STON1: variants seen among roughly 807,000 people sequenced by gnomAD.
STON1 encodes the protein stonin-1.
A neutral mutation model predicts 60.9 loss-of-function variants in STON1; 79 were observed. The observed-to-expected ratio is 1.30, with a 90% CI of 1.08 to 1.56. The LOEUF is 1.56. STON1 is among the 40% of genes most tolerant of loss of function. The pLI, the probability that STON1 is intolerant of heterozygous loss-of-function variation, is 0.00. For missense variants in STON1, 1,166 were observed against 858.9 expected, an observed-to-expected ratio of 1.36 and a Z score of -4.47; for synonymous variants, 363 against 306.9, an observed-to-expected ratio of 1.18 and a Z score of -1.91.
intron 2 of STON1, among the ~76,000 whole-genome samples, chr2:48,586,900 C>A (rs1464760690): frequency 6.6e-6 from 1 of 151,942 alleles, no homozygotes; most frequent in Non-Finnish European, 1.5e-5. Flanking sequence ...GGGGAGGTGC[C>A]CCTAAGTGAT....
chr2:48,595,262 G>A lies in STON1; in HGVS notation c.2168G>A (p.Gly723Glu). The A allele has an allele frequency of 1.2e-6, 2 of 1,613,892 alleles. No individual in the cohort carries two copies. Among genetic ancestry groups the A allele is most frequent in the Non-Finnish European group, 1.7e-6 (2 of 1,179,808 alleles). Reference sequence around the variant, plus strand: ...GAAAAGAAGTGGATTAAAATCGATGGAGAAGACCCAGATAAAATTGGTGAC... The same window carrying A: ...GAAAAGAAGTGGATTAAAATCGATGAAGAAGACCCAGATAAAATTGGTGAC... ...EIEKKWIKID[G>E]EDPDKIGDCI... is the part of the protein sequence containing the mutation. Residue 723 changes from glycine (G) to glutamate (E), a missense_variant, in exon 4 of 4, where the codon GGA becomes GAA. Coordinates refer to ENST00000404752, the MANE Select transcript of STON1 (RefSeq NM_006873.4).
chr2:48,582,078 T>C lies in STON1; in HGVS notation c.1445T>C (p.Ile482Thr). ...GACTCAGAAAAAAAGGGGATTGATA[T>C]TCTTGACTACCATTTTCATAAGTGT... is the stretch of plus-strand genomic sequence containing the variant. Reference protein sequence around the residue: ...EKDSEKKGIDILDYHFHKCVN... With the variant: ...EKDSEKKGIDTLDYHFHKCVN... Residue 482 changes from isoleucine (I) to threonine (T), a missense_variant, in exon 2 of 4, where the codon ATT becomes ACT. Physicochemically the swap from Ile to Thr is moderately conservative, Grantham distance 89. Transcript: ENST00000404752. 6.2e-7 allele frequency: 1 copy of C among 1,614,208 alleles called. No homozygotes were observed. The highest frequency in any genetic ancestry group is 8.5e-7 in the Non-Finnish European group (1 of 1,180,032).
chr2:48,567,768 C>T (rs1673008949), intron 1 of STON1, among the ~76,000 whole-genome samples: 1 of 152,278 alleles, frequency 6.6e-6, no homozygotes, highest in Non-Finnish European at 1.5e-5. Context: ...TGCATGTTAA[C>T]ACACTGGCCT....
chr2:48,562,138 G>C (rs1672639201), intron 1 of STON1, among the ~76,000 whole-genome samples: 1 of 152,230 alleles, frequency 6.6e-6, no homozygotes, highest in Non-Finnish European at 1.5e-5. Flanking sequence ...TGGGATTACA[G>C]GTGTGAGCCA....
chr2:48,541,705 A>G (rs941091588), intron 1 of STON1, among the ~76,000 whole-genome samples: 1 of 149,996 alleles, frequency 6.7e-6, no homozygotes, highest in Non-Finnish European at 1.5e-5. Context: ...GTCTCAAAAA[A>G]AAAAAAAAAA....
chr2:48,569,498 C>T (rs1274728531), intron 1 of STON1, among the ~76,000 whole-genome samples: 2 of 151,998 alleles, frequency 1.3e-5, no homozygotes, highest in African/African-American at 4.8e-5. Context: ...AGTGAAAAGA[C>T]CATTTAAAAT....
At chr2:48,541,176 C>A (rs1266988145) in intron 1 of STON1, among the ~76,000 whole-genome samples, 1 of 151,324 alleles carries the variant, frequency 6.6e-6, no homozygotes, top group Non-Finnish European at 1.5e-5. Context: ...CATGGTGAAA[C>A]CCTGTCTCTA....
chr2:48,583,512 A>C (rs1264713118), intron 2 of STON1, among the ~76,000 whole-genome samples: 1 of 152,218 alleles, frequency 6.6e-6, no homozygotes, highest in African/African-American at 2.4e-5. Context: ...ATAGTACCAC[A>C]TTTATTTTGG....
Position 48,564,499 on chromosome 2 carries a change from T to TTCTTCTTCTTCTTCC in STON1, c.-47-16074_-47-16073insCTCTTCTTCTTCTTC, listed in dbSNP as rs1672805081. ...TTCTTCTTTCTTCTTCTTCTTCTTCTTCTTCTTCTTCTTCTTCTTCTTCTT... is the reference window on the plus strand; with the variant it reads ...TTCTTCTTTCTTCTTCTTCTTCTTCTTCTTCTTCTTCTTCCTCTTCTTCTTCTTCTTCTTCTTCTT... On this transcript the variant is annotated intron_variant, in intron 1 of 3. Coordinates refer to ENST00000404752, the MANE Select transcript of STON1 (RefSeq NM_006873.4). 1.4e-4 allele frequency among the ~76,000 whole-genome samples: 3 copies of TTCTTCTTCTTCTTCC among 21,416 alleles called. 1 individual carries two copies. The highest frequency in any genetic ancestry group is 2.6e-4 in the Non-Finnish European group (3 of 11,646). The allele number at this position is 21,416 out of a possible 152,430, so 14.0% of individuals were successfully genotyped here.
chr2:48,577,304 C>A (rs1268150927), intron 1 of STON1, among the ~76,000 whole-genome samples: 2 of 151,872 alleles, frequency 1.3e-5, no homozygotes, highest in African/African-American at 4.8e-5. Context: ...TAGTTTTCAC[C>A]GGGCGCGGTG....
intron 1 of STON1, among the ~76,000 whole-genome samples, chr2:48,560,899 C>T (rs972829702): frequency 6.6e-6 from 1 of 152,212 alleles, no homozygotes; most frequent in Non-Finnish European, 1.5e-5. Context: ...AATCAGCAAG[C>T]CCCAAAGTCT....
intron 1 of STON1, among the ~76,000 whole-genome samples, chr2:48,564,741 T>C (rs1351508565): frequency 7.0e-6 from 1 of 143,598 alleles, no homozygotes; most frequent in African/African-American, 2.6e-5. Flanking sequence ...TTCTTTTTTT[T>C]TTTTTTTTTA....
chr2:48,564,714 CTTCT>C (rs1204519245), intron 1 of STON1, among the ~76,000 whole-genome samples: 26 of 129,910 alleles, frequency 2.0e-4, no homozygotes, highest in Middle Eastern at 3.9e-3. Context: ...TTCCTTATTT[CTTCT>C]TTCTTTCTTT....
chr2:48,540,411 AC>A (rs1348652924), intron 1 of STON1, among the ~76,000 whole-genome samples: 2 of 151,974 alleles, frequency 1.3e-5, no homozygotes, highest in Admixed American at 1.3e-4. Flanking sequence ...GTGTTGATGC[AC>A]CCAATGCCCT....
chr2:48,593,878 C>T (rs920560114), intron 3 of STON1, among the ~76,000 whole-genome samples: 12 of 152,284 alleles, frequency 7.9e-5, no homozygotes, highest in Middle Eastern at 6.8e-3. Flanking sequence ...CTGTCCTGTG[C>T]AGCCCCTTCA....
chr2:48,548,008 C>G (rs142923767), intron 1 of STON1, among the ~76,000 whole-genome samples: 2 of 152,298 alleles, frequency 1.3e-5, no homozygotes, highest in African/African-American at 4.8e-5. Flanking sequence ...CTTTCAGATC[C>G]CATAGCCCTT....
intron 1 of STON1, among the ~76,000 whole-genome samples, chr2:48,553,739 C>A (rs1023482180): frequency 6.6e-6 from 1 of 152,172 alleles, no homozygotes; most frequent in African/African-American, 2.4e-5. Context: ...GCACCTGCCT[C>A]GGCCTTCCAA....
rs1300057162 is a variant in STON1 at position 48,598,083 on chromosome 2, C to A, written c.*2781C>A. The A allele has an allele frequency of 6.6e-6, 1 of 152,148 alleles. No individual in the cohort carries two copies. The highest frequency in any genetic ancestry group is 1.5e-5 in the Non-Finnish European group (1 of 68,036). The allele number at this position is 152,148 out of a possible 1,614,324, so 9.4% of individuals were successfully genotyped here. On this transcript the variant is annotated 3_prime_UTR_variant, in exon 4 of 4. Transcript: ENST00000404752. ...GACCAGTTTGTGACTAGTCTGGTCA[C>A]CTTTCCAGTTACAGGATCATATTAA...
chr2:48,537,537 T>G (rs1671478195), intron 1 of STON1, among the ~76,000 whole-genome samples: 1 of 152,160 alleles, frequency 6.6e-6, no homozygotes, highest in Non-Finnish European at 1.5e-5. Flanking sequence ...GTGAAGTTGT[T>G]CTAGAATTTT....
Sources: gnomAD v4.1 joint callset for allele counts (sites outside exome capture counted in the v4.1 genomes callset) on GRCh38, gnomAD v4.1.1 for gene constraint, MANE v1.5 for transcripts, NCBI Gene and HGNC (gene_info 2026-07-23, HGNC 2026-07-21) for gene names.